FOXP2: variants seen among roughly 807,000 people sequenced by gnomAD.
The protein encoded by FOXP2 is forkhead box P2.
A neutral mutation model predicts 115.8 loss-of-function variants in FOXP2; 12 were observed. The ratio of observed to expected loss-of-function variants is 0.10; its 90% CI spans 0.07 to 0.17. FOXP2 has a LOEUF of 0.17. FOXP2 is among the 10% of genes least tolerant of loss of function. FOXP2 has a pLI of 1.00. For missense variants in FOXP2, 629 were observed against 843.5 expected (o/e 0.75, Z 3.15); for synonymous variants, 328 against 297.7 (o/e 1.10, Z -1.05).
At chr7:114,481,562 A>G (rs1638562509) in intron 2 of FOXP2, among the ~76,000 whole-genome samples, 1 of 151,348 alleles carries the variant, frequency 6.6e-6, no homozygotes, top group African/African-American at 2.4e-5. Context: ...GTGTTCCTAA[A>G]TAGTTCTTTT....
chr7:114,433,002 A>G (rs1794183173), intron 2 of FOXP2, among the ~76,000 whole-genome samples: 1 of 151,978 alleles, frequency 6.6e-6, no homozygotes, highest in Non-Finnish European at 1.5e-5. Flanking sequence ...TTTGGTCTCT[A>G]GAGAGTTTGC....
intron 1 of FOXP2, among the ~76,000 whole-genome samples, chr7:114,109,188 AAT>A (rs138476639): frequency 0.055 from 8,316 of 152,088 alleles, 514 homozygotes; most frequent in African/African-American, 0.16. Context: ...TTTGTTGTAT[AAT>A]ATGTGTTGAA....
intron 2 of FOXP2, among the ~76,000 whole-genome samples, chr7:114,477,152 C>T (rs1796310146): frequency 6.6e-6 from 1 of 151,950 alleles, no homozygotes; most frequent in South Asian, 2.1e-4. Flanking sequence ...CAATTAATTA[C>T]TGGATGTATA....
chr7:114,332,726 CA>C (rs1294217372), intron 2 of FOXP2, among the ~76,000 whole-genome samples: 9 of 152,112 alleles, frequency 5.9e-5, no homozygotes, highest in Admixed American at 2.0e-4. Flanking sequence ...TTGTTGCCCC[CA>C]TTCATTGTTC....
intron 2 of FOXP2, among the ~76,000 whole-genome samples, chr7:114,327,078 C>A (rs1034363756): frequency 6.6e-6 from 1 of 152,158 alleles, no homozygotes; most frequent in Non-Finnish European, 1.5e-5. Context: ...GAATTGCAGA[C>A]CTGATTAAGT....
At chr7:114,170,342 T>A (rs921427724) in intron 1 of FOXP2, among the ~76,000 whole-genome samples, 3 of 152,100 alleles carry the variant, frequency 2.0e-5, no homozygotes, top group Non-Finnish European at 2.9e-5. Context: ...CCCTCTTCCC[T>A]AAAAAACAAC....
chr7:114,283,192 T>A (rs1466086639), intron 1 of FOXP2, among the ~76,000 whole-genome samples: 1 of 152,208 alleles, frequency 6.6e-6, no homozygotes, highest in African/African-American at 2.4e-5. Context: ...TGTTTGGCTA[T>A]AGTTAACTAC....
intron 3 of FOXP2, among the ~76,000 whole-genome samples, chr7:114,615,596 T>C (rs1300325441): frequency 5.9e-5 from 9 of 152,242 alleles, no homozygotes; most frequent in Non-Finnish European, 2.9e-5. Context: ...CTTCCCAGAC[T>C]CAGCCTCCTC....
At chr7:114,599,969 C>G (rs1325797947) in intron 3 of FOXP2, among the ~76,000 whole-genome samples, 1 of 152,116 alleles carries the variant, frequency 6.6e-6, no homozygotes, top group Non-Finnish European at 1.5e-5. Context: ...TCCCCTGTTA[C>G]TGGCATCTTG....
intron 1 of FOXP2, among the ~76,000 whole-genome samples, chr7:114,222,121 T>C (rs1197587067): frequency 1.3e-5 from 2 of 152,216 alleles, no homozygotes; most frequent in African/African-American, 4.8e-5. Context: ...AGTTGTTTGA[T>C]AGTAATCCTG....
At chr7:114,568,440 G>A (rs1295752403) in intron 3 of FOXP2, among the ~76,000 whole-genome samples, 1 of 149,378 alleles carries the variant, frequency 6.7e-6, no homozygotes, top group Admixed American at 6.7e-5. Context: ...TTTTGGGGGG[G>A]GGTTATTTTG....
intron 1 of FOXP2, among the ~76,000 whole-genome samples, chr7:114,166,574 A>C (rs1271576594): frequency 6.6e-6 from 1 of 152,044 alleles, no homozygotes; most frequent in African/African-American, 2.4e-5. Context: ...GCATGGTGGC[A>C]TGTGCCTGTA....
intron 2 of FOXP2, among the ~76,000 whole-genome samples, chr7:114,439,743 G>A (rs1057474191): frequency 6.6e-6 from 1 of 151,882 alleles, no homozygotes; most frequent in African/African-American, 2.4e-5. Flanking sequence ...AGATGTGTGT[G>A]TGTGTGTGTA....
chr7:114,606,320 A>C (rs547845045), intron 3 of FOXP2, among the ~76,000 whole-genome samples: 1 of 152,166 alleles, frequency 6.6e-6, no homozygotes, highest in East Asian at 1.9e-4. Flanking sequence ...AACTCAGAGA[A>C]GGTAGGTACA....
intron 2 of FOXP2, among the ~76,000 whole-genome samples, chr7:114,358,019 T>A (rs1273969289): frequency 6.6e-6 from 1 of 152,192 alleles, no homozygotes; most frequent in East Asian, 1.9e-4. Flanking sequence ...TTTGGCTGTG[T>A]CACCACCCAA....
chr7:114,236,933 T>A (rs2129166860), intron 1 of FOXP2, among the ~76,000 whole-genome samples: 1 of 152,260 alleles, frequency 6.6e-6, no homozygotes, highest in Non-Finnish European at 1.5e-5. Flanking sequence ...GCCGAGATCA[T>A]GCAACTGACT....
chr7:114,088,353 G>C (rs990113237), intron 1 of FOXP2: 1 of 152,256 alleles, frequency 6.6e-6, no homozygotes, highest in African/African-American at 2.4e-5. Context: ...TGTAGTCATC[G>C]TGGATCAGGA....
intron 2 of FOXP2, among the ~76,000 whole-genome samples, chr7:114,533,284 C>T (rs998189139): frequency 6.6e-5 from 10 of 151,906 alleles, no homozygotes; most frequent in Non-Finnish European, 1.5e-4. Flanking sequence ...TCTCAGAAAA[C>T]TTGCTTGGAG....
rs1450298261 is a variant in FOXP2, at chr7:114,609,167, T to A, written c.259-19373T>A. 2.0e-5 allele frequency among the ~76,000 whole-genome samples: 3 copies of A among 150,876 alleles called. No individual in the cohort carries two copies. The East Asian group carries it at 5.9e-4, about 29-fold the overall frequency. On this transcript the variant is annotated intron_variant, in intron 3 of 16. Coordinates refer to ENST00000350908, the MANE Select transcript of FOXP2 (RefSeq NM_014491.4). ...GTCGGAGGTTACAGTGAGCTGAGAT[T>A]GCGCCACTGCACTCCAGCCTGGATG...
Sources: gnomAD v4.1 joint callset for allele counts (sites outside exome capture counted in the v4.1 genomes callset) on GRCh38, gnomAD v4.1.1 for gene constraint, MANE v1.5 for transcripts, NCBI Gene and HGNC (gene_info 2026-07-23, HGNC 2026-07-21) for gene names.